Variants in SCHIP1 observed in about 807,000 individuals in gnomAD.
SCHIP1 encodes the protein schwannomin interacting protein 1.
A neutral mutation model predicts 29.7 loss-of-function variants in SCHIP1; 8 were observed. That is an observed-to-expected ratio of 0.27 (90% CI 0.16 to 0.49). The LOEUF is 0.49. Among genes scored for constraint, SCHIP1 ranks in the 20% least tolerant of loss-of-function variants. SCHIP1 has a pLI of 0.99. For missense variants in SCHIP1, 193 were observed against 294.6 expected, an observed-to-expected ratio of 0.66 and a Z score of 2.52; for synonymous variants, 76 against 94.9, an observed-to-expected ratio of 0.80 and a Z score of 1.16.
the SCHIP1 span, among the ~76,000 whole-genome samples, chr3:159,829,948 G>T: frequency 2.0e-5 from 3 of 152,162 alleles, no homozygotes; most frequent in African/African-American, 7.2e-5. Context: ...TTTATAATCA[G>T]AAATATGAGT....
chr3:159,845,778 G>T (rs925881454), intron 1 of SCHIP1: 1 of 152,188 alleles, frequency 6.6e-6, no homozygotes. Flanking sequence ...TTGTTGGATT[G>T]AATTGCACTT....
chr3:159,384,589 G>C, the SCHIP1 span, among the ~76,000 whole-genome samples: 1 of 151,640 alleles, frequency 6.6e-6, no homozygotes, highest in African/African-American at 2.4e-5. Flanking sequence ...TTGTGTCTCT[G>C]CCTGGCTGTG....
chr3:159,311,375 T>G, the SCHIP1 span, among the ~76,000 whole-genome samples: 1 of 152,152 alleles, frequency 6.6e-6, no homozygotes, highest in African/African-American at 2.4e-5. Context: ...CAAAGGGAGT[T>G]AATTTTTATG....
the SCHIP1 span, among the ~76,000 whole-genome samples, chr3:159,662,125 G>A: frequency 2.5e-3 from 373 of 152,078 alleles, 1 homozygote; most frequent in Middle Eastern, 0.01. Context: ...AGTCTTCCCT[G>A]CCAAACTGCT....
the SCHIP1 span, among the ~76,000 whole-genome samples, chr3:159,828,388 C>CATATATATGTATATATATGTAT: frequency 6.3e-4 from 41 of 65,328 alleles, no homozygotes; most frequent in East Asian, 9.0e-4. Context: ...TATATATATA[C>CATATATATGTATATATATGTAT]ATATATACGT....
intron 1 of SCHIP1, among the ~76,000 whole-genome samples, chr3:159,842,993 A>ATTTTTTTTTTT (rs1744376437): frequency 4.2e-5 from 2 of 48,074 alleles, no homozygotes; most frequent in Non-Finnish European, 9.4e-5. Context: ...CTATCCCAAT[A>ATTTTTTTTTTT]TTTCTTTCTT....
intron 1 of SCHIP1, among the ~76,000 whole-genome samples, chr3:159,843,846 A>AAAAG (rs150055870): frequency 0.017 from 2,326 of 139,644 alleles, 64 homozygotes; most frequent in Non-Finnish European, 0.021. Context: ...AAAAAAAAAA[A>AAAAG]GCATTGTAAA....
chr3:159,811,516 C>T, the SCHIP1 span, among the ~76,000 whole-genome samples: 1 of 152,156 alleles, frequency 6.6e-6, no homozygotes, highest in South Asian at 2.1e-4. Flanking sequence ...ATCCAGTTGT[C>T]CCAGCACCAT....
At chr3:159,411,150 G>A in the SCHIP1 span, among the ~76,000 whole-genome samples, 1 of 151,956 alleles carries the variant, frequency 6.6e-6, no homozygotes, top group Non-Finnish European at 1.5e-5. Flanking sequence ...GGTGGGGGAG[G>A]GGGCACGATA....
the SCHIP1 span, among the ~76,000 whole-genome samples, chr3:159,474,676 G>A: frequency 6.6e-6 from 1 of 152,204 alleles, no homozygotes; most frequent in Admixed American, 6.6e-5. Context: ...AGTCCAGCCA[G>A]ATGTAAGATT....
the SCHIP1 span, among the ~76,000 whole-genome samples, chr3:159,622,108 T>C: frequency 1.3e-5 from 2 of 152,214 alleles, no homozygotes; most frequent in Non-Finnish European, 2.9e-5. Context: ...CACAAGGCAA[T>C]TCCAAAGCAG....
the SCHIP1 span, among the ~76,000 whole-genome samples, chr3:159,660,264 G>A: frequency 1.3e-5 from 2 of 152,126 alleles, no homozygotes; most frequent in African/African-American, 4.8e-5. Context: ...AGGAAGCTTC[G>A]AGTATAGATG....
the SCHIP1 span, among the ~76,000 whole-genome samples, chr3:159,602,287 C>T: frequency 6.6e-6 from 1 of 152,166 alleles, no homozygotes; most frequent in African/African-American, 2.4e-5. Flanking sequence ...CTAGTGTTCT[C>T]TCCTAGATGT....
chr3:159,704,417 TAAAAA>T, the SCHIP1 span, among the ~76,000 whole-genome samples: 2 of 92,620 alleles, frequency 2.2e-5, no homozygotes, highest in African/African-American at 4.1e-5. Flanking sequence ...CAATTTTTTC[TAAAAA>T]AAAAAAAAAA....
chr3:159,290,628 G>A, the SCHIP1 span, among the ~76,000 whole-genome samples: 1 of 151,992 alleles, frequency 6.6e-6, no homozygotes, highest in Non-Finnish European at 1.5e-5. Flanking sequence ...ATTATTTCAG[G>A]TGACTTTGGG....
the SCHIP1 span, among the ~76,000 whole-genome samples, chr3:159,653,828 G>T: frequency 1.3e-5 from 2 of 151,628 alleles, no homozygotes. Flanking sequence ...TTCAAAAGAG[G>T]TAGAAGAGAA....
chr3:159,452,001 G>A, the SCHIP1 span, among the ~76,000 whole-genome samples: 3 of 152,104 alleles, frequency 2.0e-5, no homozygotes, highest in Admixed American at 2.0e-4. Context: ...TGAAGATGAT[G>A]ACACAAAGAT....
the SCHIP1 span, among the ~76,000 whole-genome samples, chr3:159,441,092 A>G: frequency 6.6e-6 from 1 of 152,152 alleles, no homozygotes; most frequent in Admixed American, 6.6e-5. Flanking sequence ...TCCCATTATT[A>G]GTTTGCTAGA....
chr3:159,731,688 C>T, the SCHIP1 span, among the ~76,000 whole-genome samples: 15 of 152,276 alleles, frequency 9.9e-5, no homozygotes, highest in South Asian at 2.7e-3. Context: ...CTCTTTGAGG[C>T]GAGCAAGATC....
Sources: gnomAD v4.1 joint callset for allele counts (sites outside exome capture counted in the v4.1 genomes callset) on GRCh38, gnomAD v4.1.1 for gene constraint, MANE v1.5 for transcripts, NCBI Gene and HGNC (gene_info 2026-07-23, HGNC 2026-07-21) for gene names.